Variants in ADAMTS12 observed in about 807,000 individuals in gnomAD.
ADAMTS12 encodes A disintegrin and metalloproteinase with thrombospondin motifs 12.
A neutral mutation model predicts 167.8 loss-of-function variants in ADAMTS12; 118 were observed. The ratio of observed to expected loss-of-function variants is 0.70; its 90% CI spans 0.61 to 0.82. The LOEUF (loss-of-function observed/expected upper bound fraction) is 0.82. Ranked by LOEUF, ADAMTS12 falls within the 40% of genes least tolerant of loss-of-function variation. ADAMTS12 has a pLI of 0.00. For synonymous variants in ADAMTS12, 704 were observed against 716.9 expected (o/e 0.98, Z 0.29); for missense variants, 1,916 against 1,998.8 (o/e 0.96, Z 0.79).
chr5:33,835,219 A>G (rs2111565849), intron 2 of ADAMTS12, among the ~76,000 whole-genome samples: 1 of 152,306 alleles, frequency 6.6e-6, no homozygotes, highest in Middle Eastern at 3.4e-3. Context: ...CAGGACCGTA[A>G]GACCAAAAGG....
chr5:33,852,010 G>A (rs1348297682), intron 2 of ADAMTS12, among the ~76,000 whole-genome samples: 1 of 152,190 alleles, frequency 6.6e-6, no homozygotes, highest in East Asian at 1.9e-4. Context: ...GCTCTGTAGA[G>A]GTTGGAAAAG....
At chr5:33,567,082 T>C (rs1036317269) in intron 19 of ADAMTS12, among the ~76,000 whole-genome samples, 7 of 152,204 alleles carry the variant, frequency 4.6e-5, no homozygotes, top group Admixed American at 2.6e-4. Context: ...ACATTACTTG[T>C]TGGGCTTTAT....
chr5:33,703,954 A>C (rs961976083), intron 3 of ADAMTS12, among the ~76,000 whole-genome samples: 1 of 152,212 alleles, frequency 6.6e-6, no homozygotes, highest in African/African-American at 2.4e-5. Context: ...TAGCTAGTAC[A>C]ATAAGAAGCC....
intron 2 of ADAMTS12, among the ~76,000 whole-genome samples, chr5:33,820,330 C>T (rs1164599336): frequency 6.6e-6 from 1 of 152,172 alleles, no homozygotes; most frequent in Non-Finnish European, 1.5e-5. Context: ...CAACAATAAT[C>T]AAGTTGTTAT....
In ADAMTS12 at chr5:33,683,997, G is replaced by GT. The variant is rs776974990; in HGVS notation, c.692dup (p.Asn231LysfsTer30). On this transcript the variant is annotated frameshift_variant, in exon 4 of 24. Transcript: ENST00000504830. LOFTEE classifies it high-confidence loss of function. ...GCCGAGAGAGGCTTCTGCTTGGCAA[G>GT]TTGTGCCTCTCCCACTTCTCCCGCC... is the stretch of plus-strand genomic sequence containing the variant. 6.2e-7 allele frequency: 1 copy of GT among 1,610,398 alleles called. No individual in the cohort carries two copies.
intron 23 of ADAMTS12, among the ~76,000 whole-genome samples, chr5:33,528,059 A>T (rs1344358632): frequency 6.6e-6 from 1 of 151,740 alleles, no homozygotes; most frequent in Admixed American, 6.6e-5. Context: ...TGTGGTATAT[A>T]CACCCCAGGA....
chr5:33,646,327 G>A (rs1740661857), intron 9 of ADAMTS12, among the ~76,000 whole-genome samples: 1 of 152,174 alleles, frequency 6.6e-6, no homozygotes, highest in Non-Finnish European at 1.5e-5. Flanking sequence ...ATCTGGAGAT[G>A]CAAACCTAGT....
chr5:33,626,374 A>G (rs564588102), intron 13 of ADAMTS12, among the ~76,000 whole-genome samples: 1,440 of 122,148 alleles, frequency 0.012, 13 homozygotes, highest in Non-Finnish European at 0.017. Context: ...GGTGGTGGTG[A>G]TGGGGGTGAT....
intron 5 of ADAMTS12, among the ~76,000 whole-genome samples, chr5:33,663,585 A>G (rs992131085): frequency 6.6e-6 from 1 of 152,164 alleles, no homozygotes; most frequent in Admixed American, 6.5e-5. Flanking sequence ...TTTTTATTGT[A>G]TAATAAGGGA....
At chr5:33,539,156 G>T (rs1269159634) in intron 22 of ADAMTS12, among the ~76,000 whole-genome samples, 1 of 152,062 alleles carries the variant, frequency 6.6e-6, no homozygotes, top group Non-Finnish European at 1.5e-5. Context: ...TGGCCAGGCT[G>T]GTCTTGAACT....
intron 20 of ADAMTS12, among the ~76,000 whole-genome samples, chr5:33,560,671 A>T (rs1745696330): frequency 6.6e-6 from 1 of 151,364 alleles, no homozygotes; most frequent in South Asian, 2.1e-4. Flanking sequence ...TATCACAAGG[A>T]AAAAAACCAA....
chr5:33,881,498 A>T lies in ADAMTS12; in HGVS notation c.128-18T>A. 3 of 1,604,694 alleles carry T rather than the reference A, an allele frequency of 1.9e-6. No homozygotes were observed. Among genetic ancestry groups the T allele is most frequent in the Non-Finnish European group, 2.5e-6 (3 of 1,177,954 alleles). ...AAAATGCTCTGAAAGAAAAGGAGAA[A>T]TGGAAGAACAGTGAGGGAGATTGGT... On this transcript the variant is annotated intron_variant, in intron 1 of 23. Coordinates refer to ENST00000504830, the MANE Select transcript of ADAMTS12 (RefSeq NM_030955.4).
rs140486982 is a variant in ADAMTS12 at position 33,891,789 on chromosome 5, G to A, written c.68C>T (p.Ala23Val). 2,152 of 1,614,166 alleles carry A rather than the reference G, an allele frequency of 1.3e-3. 18 individuals carry two copies. The highest frequency in any genetic ancestry group is 9.1e-4 in the Non-Finnish European group (1,069 of 1,180,028). ...SVVAQLLNFGALCYGRQPQPG... is the reference protein window; with the variant it reads ...SVVAQLLNFGVLCYGRQPQPG... ...CTGAGGCTGTCTCCCATAGCAAAGC[G>A]CCCCAAAGTTAAGGAGCTGAGCCAC... is the stretch of plus-strand genomic sequence containing the variant. Residue 23 changes from alanine (A) to valine (V), a missense_variant, in exon 1 of 24, where the codon GCG (alanine) becomes GTG (valine). Coordinates refer to ENST00000504830, the MANE Select transcript of ADAMTS12 (RefSeq NM_030955.4).
rs1458588036 is a variant in ADAMTS12 at position 33,548,068 on chromosome 5, G to T, written c.4302+1139C>A. On this transcript the variant is annotated intron_variant, in intron 21 of 23. Transcript: ENST00000504830. ...AATCAGTGTGGATGCTTGGCCGGTG[G>T]GTGGTAAGTAACTCGGGGCTCAGTC... Among the ~76,000 whole-genome samples the T allele has an allele frequency of 2.6e-5, 4 of 152,178 alleles. 1 individual carries two copies. The highest frequency in any genetic ancestry group is 5.9e-5 in the Non-Finnish European group (4 of 68,038).
At chr5:33,556,569 C>T (rs1745496751) in intron 20 of ADAMTS12, among the ~76,000 whole-genome samples, 1 of 152,138 alleles carries the variant, frequency 6.6e-6, no homozygotes, top group South Asian at 2.1e-4. Flanking sequence ...GTGTGTAACT[C>T]CACTTGTTAT....
At chr5:33,823,699 C>T (rs1747948839) in intron 2 of ADAMTS12, among the ~76,000 whole-genome samples, 2 of 151,166 alleles carry the variant, frequency 1.3e-5, no homozygotes, top group African/African-American at 2.4e-5. Context: ...TAGGTGGAAA[C>T]TCCTGATATT....
rs1484690478 is a variant in ADAMTS12, at chr5:33,667,348, G to C, written c.916-5308C>G. Among the ~76,000 whole-genome samples, 10 of 147,000 alleles carry C rather than the reference G, an allele frequency of 6.8e-5. No homozygotes were observed. In the East Asian group the frequency reaches 2.0e-3, roughly 29 times the overall value. The stretch of plus-strand genomic sequence containing the variant: ...AAAAAAAAAAAAAAAAAGATTTCTC[G>C]CTTACAGAGACTCACACTTGAAAGA... On this transcript the variant is annotated intron_variant, in intron 5 of 23. Transcript: ENST00000504830.
chr5:33,535,713 G>A (rs981852466), intron 22 of ADAMTS12, among the ~76,000 whole-genome samples: 3 of 152,240 alleles, frequency 2.0e-5, no homozygotes, highest in Admixed American at 6.5e-5. Context: ...TATCTGTGTC[G>A]TGGTACTTCG....
intron 2 of ADAMTS12, among the ~76,000 whole-genome samples, chr5:33,842,240 C>CA (rs943825703): frequency 6.6e-5 from 10 of 152,284 alleles, no homozygotes; most frequent in East Asian, 1.9e-4. Flanking sequence ...TAATCCTATG[C>CA]AAAAAAGCGA....
Sources: allele counts gnomAD v4.1 joint callset (sites outside exome capture counted in the v4.1 genomes callset), GRCh38; gene constraint gnomAD v4.1.1; transcripts MANE v1.5; gene names NCBI Gene and HGNC (gene_info 2026-07-23, HGNC 2026-07-21).